The following LRP1 variants were observed in gnomAD, a reference collection of about 807,000 sequenced individuals.
The protein encoded by LRP1 is prolow-density lipoprotein receptor-related protein 1.
A neutral mutation model predicts 541.5 loss-of-function variants in LRP1; 51 were observed. The observed-to-expected ratio is 0.09, with a 90% confidence interval of 0.08 to 0.12. LRP1 has a LOEUF of 0.12. Ranked by LOEUF, LRP1 falls within the 10% of genes least tolerant of loss-of-function variation. The pLI is 1.00. For synonymous variants in LRP1, 2,219 were observed against 2,470.8 expected (o/e 0.90, Z 3.02); for missense variants, 3,878 against 6,376.2 (o/e 0.61, Z 13.34).
Position 57,201,387 on chromosome 12 carries a change from G to A in LRP1, c.10346-110G>A. On this transcript the variant is annotated intron_variant, in intron 65 of 88. Coordinates refer to ENST00000243077, the MANE Select transcript of LRP1 (RefSeq NM_002332.3). The surrounding 1 kb of genome is among the most constrained non-coding windows in gnomAD (Gnocchi z 6.4). ...GGGATAAACTGTTCCTTCCTCCGAA[G>A]AAGTTGCTGGCAGGACCAAGGCCAG... 1.3e-6 allele frequency: 2 copies of A among 1,488,086 alleles called. No individual in the cohort carries two copies. The highest frequency in any genetic ancestry group is 2.1e-5 in the Admixed American group (1 of 47,616). The allele number at this position is 1,488,086 out of a possible 1,614,324, so 92.2% of individuals were successfully genotyped here.
At position 57,179,007 on chromosome 12, in the gene LRP1, A is replaced by C. The variant is rs967912405; in HGVS notation, c.4724A>C (p.Asn1575Thr). ...CACCTCATGAAGCTCCACAAGGACA[A>C]CACCACCTGCTATGGTAGGAGCCCC... ...CPHLMKLHKD[N>T]TTCYEFKKFL... The change falls in exon 28 of 89, where the codon AAC (asparagine) becomes ACC (threonine). Residue 1575 changes from asparagine (N) to threonine (T), a missense_variant. Physicochemically the swap from Asn to Thr is moderately conservative, Grantham distance 65. Around this residue, in one of 13 missense-constraint regions of LRP1, gnomAD observed 394 missense variants for 635.9 expected, o/e 0.62. Transcript: ENST00000243077. The surrounding 1 kb of genome is among the most constrained non-coding windows in gnomAD (Gnocchi z 6.8). 9.3e-6 allele frequency: 15 copies of C among 1,614,018 alleles called. No individual in the cohort carries two copies. Among genetic ancestry groups the C allele is most frequent in the Middle Eastern group, 1.7e-4 (1 of 6,058 alleles).
Position 57,195,026 on chromosome 12 carries a change from C to T in LRP1, c.8233C>T (p.Arg2745Cys). ...GGCCCAGTTTGAGTGCCAGAACCAT[C>T]GCTGCATCTCCAAGCAGTGGCTGTG... ...SEAQFECQNH[R>C]CISKQWLCDG... The change falls in exon 51 of 89, where the codon CGC becomes TGC. Residue 2745 changes from arginine to cysteine, a missense_variant. By Grantham distance (180) the Arg-to-Cys change is radical (BLOSUM62 -3). This residue lies in a region of LRP1 where 1,100 missense variants were observed against 1,827.4 expected (regional missense o/e 0.60). Coordinates refer to ENST00000243077, the MANE Select transcript of LRP1 (RefSeq NM_002332.3). The T allele has an allele frequency of 6.2e-7, 1 of 1,614,134 alleles. No individual in the cohort carries two copies. The highest frequency in any genetic ancestry group is 8.5e-7 in the Non-Finnish European group (1 of 1,179,992).
Position 57,190,795 on chromosome 12 carries a change from C to T in LRP1, c.7032-10C>T, listed in dbSNP as rs751539296. 2.5e-6 allele frequency: 4 copies of T among 1,613,078 alleles called. No individual in the cohort carries two copies. Among genetic ancestry groups the T allele is most frequent in the Non-Finnish European group, 3.4e-6 (4 of 1,179,712 alleles). Reference sequence around the variant, plus strand: ...CTTTGCCTCCTGATCTCTGGACCCTCTTCCCCCAGCCTCATGTTCTGGACC... The same window carrying T: ...CTTTGCCTCCTGATCTCTGGACCCTTTTCCCCCAGCCTCATGTTCTGGACC... On this transcript the variant is annotated splice_polypyrimidine_tract_variant and intron_variant, in intron 42 of 88. Coordinates refer to ENST00000243077, the MANE Select transcript of LRP1 (RefSeq NM_002332.3).
rs1346919505 is a variant in LRP1, at chr12:57,154,762, G to C, written c.1227+61G>C. 8.2e-6 allele frequency: 12 copies of C among 1,455,194 alleles called. No individual in the cohort carries two copies. Among genetic ancestry groups the C allele is most frequent in the Admixed American group, 2.0e-5 (1 of 50,868 alleles). 90.1% of individuals were successfully genotyped at this position (1,455,194 alleles called of 1,614,324 possible). A position where few individuals can be genotyped will look rare whatever the true frequency, so the allele number is the denominator to read the frequency against. ...CCATGATCCAGGGCCTTCTGGTGAGGGGGGAAGCCTCTGTAGGGGAACCGT... is the reference window on the plus strand; with the variant it reads ...CCATGATCCAGGGCCTTCTGGTGAGCGGGGAAGCCTCTGTAGGGGAACCGT... On this transcript the variant is annotated intron_variant, in intron 8 of 88. Transcript: ENST00000243077. The surrounding 1 kb of genome is among the most constrained non-coding windows in gnomAD (Gnocchi z 4.6).
intron 60 of LRP1, 89 bp from the exon 61 acceptor site, chr12:57,199,123 G>T: frequency 8.1e-7 from 1 of 1,229,644 alleles, no homozygotes; most frequent in Non-Finnish European, 1.2e-6. Flanking sequence ...ACCTCTCAGG[G>T]TGGTGGTAGG....
chr12:57,192,873 C>T lies in LRP1; in HGVS notation c.7458C>T (p.Asn2486=), dbSNP rs143564505. 4.4e-4 allele frequency: 708 copies of T among 1,614,142 alleles called. 2 individuals are homozygous for T. The highest frequency in any genetic ancestry group is 1.8e-3 in the East Asian group (82 of 44,880). The stretch of plus-strand genomic sequence containing the variant: ...AACTCTCTCCATGCCGAATCAACAA[C>T]GGTGGCTGCCAGGACCTGTGTCTGC... ...SCELSPCRIN[N]GGCQDLCLLT... is the part of the protein sequence containing the mutation. The change falls in exon 45 of 89, where the codon AAC becomes AAT. Residue 2486 remains asparagine (N), a synonymous_variant. Coordinates refer to ENST00000243077, the MANE Select transcript of LRP1 (RefSeq NM_002332.3).
At position 57,184,783 on chromosome 12, in the gene LRP1, A is replaced by G; in HGVS notation, c.6187-56A>G. 2 of 1,565,418 alleles carry G rather than the reference A, an allele frequency of 1.3e-6. No homozygotes were observed. Among genetic ancestry groups the G allele is most frequent in the Non-Finnish European group, 1.7e-6 (2 of 1,147,202 alleles). ...CCAGGCACTCCCTGCTGCCCCAGACATGGGGCTGGCAGCGAGCTCAGCCCT... is the reference window on the plus strand; with the variant it reads ...CCAGGCACTCCCTGCTGCCCCAGACGTGGGGCTGGCAGCGAGCTCAGCCCT... On this transcript the variant is annotated intron_variant, in intron 38 of 88. Transcript: ENST00000243077. The surrounding 1 kb of genome is among the most constrained non-coding windows in gnomAD (Gnocchi z 7.8).
chr12:57,179,057 GAGGCTGGAGGGAAGGCCGC>G lies in LRP1; in HGVS notation c.4738+41_4738+59del, dbSNP rs2036107149. 6.2e-7 allele frequency: 1 copy of G among 1,600,692 alleles called. No individual in the cohort carries two copies. The highest frequency in any genetic ancestry group is 8.5e-7 in the Non-Finnish European group (1 of 1,174,522). On this transcript the variant is annotated intron_variant, in intron 28 of 88. Transcript: ENST00000243077. This position sits in a 1 kb window ranked among gnomAD's most constrained non-coding sequence, Gnocchi z 6.8. ...CTCCCTCCAGAGCCAGTGAGCAACT[GAGGCTGGAGGGAAGGCCGC>G]AGGCCCCAGGATCCCGGTTGTCAGC...
At chr12:57,194,124 C>A in intron 48 of LRP1, 112 bp downstream of exon 48, 1 of 1,070,676 alleles carries the variant, frequency 9.3e-7, no homozygotes, top group Non-Finnish European at 1.4e-6. Flanking sequence ...TTCCCTCATC[C>A]CCGCTGACAG....
At position 57,189,844 on chromosome 12, in the gene LRP1, C is replaced by G. The variant is rs974454914; in HGVS notation, c.7032-961C>G. On this transcript the variant is annotated intron_variant, in intron 42 of 88. Coordinates refer to ENST00000243077, the MANE Select transcript of LRP1 (RefSeq NM_002332.3). The surrounding 1 kb of genome is among the most constrained non-coding windows in gnomAD (Gnocchi z 4.4). ...AGCAAGAGAATGTGGAGTCCCCTGC[C>G]CCGCCCTGGGCCTAGCTGAGTGACA... Among the ~76,000 whole-genome samples, 2 of 152,068 alleles carry G rather than the reference C, an allele frequency of 1.3e-5. No homozygotes were observed. The highest frequency in any genetic ancestry group is 6.6e-5 in the Admixed American group (1 of 15,266).
At position 57,191,001 on chromosome 12, in the gene LRP1, C is replaced by A; in HGVS notation, c.7228C>A (p.His2410Asn). Residue 2410 changes from histidine (H) to asparagine (N), a missense_variant, in exon 43 of 89, where the codon CAC (histidine) becomes AAC (asparagine). Around this residue, in one of 13 missense-constraint regions of LRP1, gnomAD observed 1,100 missense variants for 1,827.4 expected, o/e 0.60. Transcript: ENST00000243077. Reference protein sequence around the residue: ...KIERCEYDGSHRYVILKSEPV... With the variant: ...KIERCEYDGSNRYVILKSEPV... The stretch of plus-strand genomic sequence containing the variant: ...CGAGCGGTGCGAGTATGACGGCTCC[C>A]ACCGCTATGTGAGTCTGCGGGGTGG... 2 of 1,610,520 alleles carry A rather than the reference C, an allele frequency of 1.2e-6. No individual in the cohort carries two copies. The highest frequency in any genetic ancestry group is 1.7e-6 in the Non-Finnish European group (2 of 1,179,812).
chr12:57,160,832 C>T lies in LRP1; in HGVS notation c.1980-61C>T. The T allele has an allele frequency of 2.2e-6, 3 of 1,342,674 alleles. No homozygotes were observed. The South Asian group carries it at 3.7e-5, about 16-fold the overall frequency. The allele number at this position is 1,342,674 out of a possible 1,614,324, so 83.2% of individuals were successfully genotyped here. ...TGGGACAGCACTCATGGATTGGGAT[C>T]ACAGGGGAGGCTGTTGATGGCGGGG... On this transcript the variant is annotated intron_variant, in intron 12 of 88. Transcript: ENST00000243077.
Position 57,177,376 on chromosome 12 carries a change from G to C in LRP1, c.4197-51G>C. 1.3e-6 allele frequency: 2 copies of C among 1,561,554 alleles called. No individual in the cohort carries two copies. The highest frequency in any genetic ancestry group is 1.7e-6 in the Non-Finnish European group (2 of 1,149,012). On this transcript the variant is annotated intron_variant, in intron 25 of 88. Transcript: ENST00000243077. This position sits in a 1 kb window ranked among gnomAD's most constrained non-coding sequence, Gnocchi z 6.8. ...CTCTACCTACGATCCCACCACAGTCGCTCCCTGAGGGCCCTGACTTTAGCC... is the reference window on the plus strand; with the variant it reads ...CTCTACCTACGATCCCACCACAGTCCCTCCCTGAGGGCCCTGACTTTAGCC...
intron 3 of LRP1, among the ~76,000 whole-genome samples, chr12:57,141,820 C>A (rs1223558331): frequency 6.6e-6 from 1 of 152,212 alleles, no homozygotes; most frequent in African/African-American, 2.4e-5. Context: ...TGTTTTCATA[C>A]TTTTTTAAAA....
rs762980049 is a variant in LRP1 at position 57,177,251 on chromosome 12, G to A, written c.4196+6G>A. ...GCACTGGATCCCCGGGATGGGTGAG[G>A]ACCTTGCCCAGCCTTCTCCTGGCCC... On this transcript the variant is annotated splice_donor_region_variant and intron_variant, in intron 25 of 88. Transcript: ENST00000243077. This position sits in a 1 kb window ranked among gnomAD's most constrained non-coding sequence, Gnocchi z 6.8. The A allele has an allele frequency of 9.3e-6, 15 of 1,612,856 alleles. No homozygotes were observed. The highest frequency in any genetic ancestry group is 1.2e-5 in the Non-Finnish European group (14 of 1,179,114).
Position 57,194,445 on chromosome 12 carries a change from C to T in LRP1, c.8010C>T (p.Ser2670=). ...GGACCTCACTCTGCTACGCACCCAG[C>T]TGGGTGTGTGATGGCGCCAATGACT... The part of the protein sequence containing the change: ...CERTSLCYAP[S]WVCDGANDCG... Residue 2670 remains serine (S), a synonymous_variant, in exon 49 of 89, where the codon AGC becomes AGT. Transcript: ENST00000243077. The T allele has an allele frequency of 6.4e-7, 1 of 1,558,992 alleles. No individual in the cohort carries two copies. The highest frequency in any genetic ancestry group is 8.7e-7 in the Non-Finnish European group (1 of 1,151,254).
chr12:57,212,685 CAT>C lies in LRP1; in HGVS notation c.*131_*132del. The C allele has an allele frequency of 1.0e-6, 1 of 997,864 alleles. No homozygotes were observed. Among genetic ancestry groups the C allele is most frequent in the Non-Finnish European group, 1.4e-6 (1 of 697,576 alleles). 61.8% of individuals were successfully genotyped at this position (997,864 alleles called of 1,614,324 possible). A position where few individuals can be genotyped will look rare whatever the true frequency, so the allele number is the denominator to read the frequency against. ...TATAAATGTAAAAATGAAGGAATTA[CAT>C]TTTATATGTGAGCGAGCAAGCCGGC... On this transcript the variant is annotated 3_prime_UTR_variant, in exon 89 of 89. Transcript: ENST00000243077. This position sits in a 1 kb window ranked among gnomAD's most constrained non-coding sequence, Gnocchi z 5.0.
intron 10 of LRP1, among the ~76,000 whole-genome samples, chr12:57,157,377 G>A (rs1027726633): frequency 1.8e-4 from 28 of 152,216 alleles, no homozygotes; most frequent in African/African-American, 5.5e-4. Context: ...TTGGGAGGCC[G>A]AGGCAGGCAG....
At position 57,211,610 on chromosome 12, in the gene LRP1, C is replaced by T; in HGVS notation, c.13193+22C>T. On this transcript the variant is annotated intron_variant, in intron 85 of 88. Transcript: ENST00000243077. This position sits in a 1 kb window ranked among gnomAD's most constrained non-coding sequence, Gnocchi z 4.3. ...GCCAGTGAGTTGGGCCCGGGCTTCA[C>T]CCAGGCATAGATCATCGCTCCCTTC... 3.7e-6 allele frequency: 6 copies of T among 1,612,334 alleles called. No individual in the cohort carries two copies. The highest frequency in any genetic ancestry group is 1.3e-5 in the African/African-American group (1 of 75,028).
Sources: gnomAD v4.1 joint callset for allele counts (sites outside exome capture counted in the v4.1 genomes callset) on GRCh38, gnomAD v4.1.1 for gene constraint, gnomAD v4.1.1 regional missense constraint, Gnocchi (gnomAD v3.1) non-coding constraint, MANE v1.5 for transcripts, NCBI Gene and HGNC (gene_info 2026-07-23, HGNC 2026-07-21) for gene names.